Variants in PTPRD observed in about 807,000 individuals in gnomAD.
PTPRD encodes receptor-type tyrosine-protein phosphatase delta.
A neutral mutation model predicts 214.5 loss-of-function variants in PTPRD; 34 were observed. The observed-to-expected ratio is 0.16, with a 90% CI of 0.12 to 0.21. The LOEUF (loss-of-function observed/expected upper bound fraction) is 0.21. PTPRD is among the 10% of genes least tolerant of loss of function. PTPRD has a pLI of 1.00. For synonymous variants in PTPRD, 1,128 were observed against 845.7 expected (o/e 1.33, Z -5.79); for missense variants, 2,545 against 2,398.7 (o/e 1.06, Z -1.27).
At position 9,542,926 on chromosome 9, in the gene PTPRD, T is replaced by G. The variant is rs1385662895; in HGVS notation, c.-237+31806A>C. Among the ~76,000 whole-genome samples, 3 of 151,736 alleles carry G rather than the reference T, an allele frequency of 2.0e-5. No individual in the cohort carries two copies. The Admixed American group carries it at 2.0e-4, about 10-fold the overall frequency. ...ACTGCTTGCCACTTCGTTATAAAGC[T>G]AAACATAACCCTACTCAGCGTTTTC... On this transcript the variant is annotated intron_variant, in intron 8 of 45. Transcript: ENST00000381196.
At position 10,337,482 on chromosome 9, in the gene PTPRD, T is replaced by A. The variant is rs143731073; in HGVS notation, c.-545+3481A>T. Among the ~76,000 whole-genome samples the A allele has an allele frequency of 1.5e-4, 23 of 151,814 alleles. No individual in the cohort carries two copies. The East Asian group carries it at 4.5e-3, about 29-fold the overall frequency. On this transcript the variant is annotated intron_variant, in intron 3 of 45. Coordinates refer to ENST00000381196, the MANE Select transcript of PTPRD (RefSeq NM_002839.4). The stretch of plus-strand genomic sequence containing the variant: ...AACAGAGATAGTATAGTTTAATAGG[T>A]CCTAAAGAAATGCATAACATTTTAA...
intron 3 of PTPRD, among the ~76,000 whole-genome samples, chr9:10,126,509 G>C (rs930990766): frequency 6.7e-6 from 1 of 150,370 alleles, no homozygotes; most frequent in African/African-American, 2.5e-5. Context: ...TAAAACTTTA[G>C]AATCAATTCG....
intron 12 of PTPRD, among the ~76,000 whole-genome samples, chr9:8,707,598 G>C (rs1040728851): frequency 1.3e-5 from 2 of 152,212 alleles, no homozygotes; most frequent in African/African-American, 2.4e-5. Context: ...TTAGGGAGGT[G>C]AGTAGTCTAA....
chr9:10,246,241 T>G (rs1830605), intron 3 of PTPRD, among the ~76,000 whole-genome samples: 83,979 of 151,918 alleles, frequency 0.55, 24,828 homozygotes, highest in East Asian at 0.73. Context: ...CGATTGGCTA[T>G]TTTTGTTTTG....
chr9:8,983,995 C>A (rs1328082747), intron 11 of PTPRD, among the ~76,000 whole-genome samples: 1 of 152,044 alleles, frequency 6.6e-6, no homozygotes, highest in Non-Finnish European at 1.5e-5. Context: ...ACTTCTTACA[C>A]TGCAAATATA....
At chr9:10,400,265 T>A (rs972256168) in intron 2 of PTPRD, among the ~76,000 whole-genome samples, 1 of 151,822 alleles carries the variant, frequency 6.6e-6, no homozygotes, top group African/African-American at 2.4e-5. Flanking sequence ...AGATAACAGA[T>A]ATTAAGTATT....
chr9:9,584,725 C>T (rs1287243033), intron 7 of PTPRD, among the ~76,000 whole-genome samples: 1 of 151,892 alleles, frequency 6.6e-6, no homozygotes, highest in Non-Finnish European at 1.5e-5. Flanking sequence ...CCTGAATTAC[C>T]ATGCACCCTT....
intron 7 of PTPRD, among the ~76,000 whole-genome samples, chr9:9,655,697 G>A (rs532338910): frequency 6.6e-6 from 1 of 152,062 alleles, no homozygotes; most frequent in African/African-American, 2.4e-5. Context: ...AATGAAAAGA[G>A]CTGGGTGCGG....
chr9:10,060,274 A>G (rs537546787), intron 3 of PTPRD, among the ~76,000 whole-genome samples: 1 of 152,176 alleles, frequency 6.6e-6, no homozygotes, highest in African/African-American at 2.4e-5. Flanking sequence ...AATATTTTTA[A>G]AAAATAGAAG....
At chr9:8,716,137 T>A (rs2098432880) in intron 12 of PTPRD, among the ~76,000 whole-genome samples, 1 of 152,120 alleles carries the variant, frequency 6.6e-6, no homozygotes. Context: ...ACCAACCTAA[T>A]AACCTAATAA....
chr9:9,696,223 ATAGTC>A (rs1426076138), intron 7 of PTPRD, among the ~76,000 whole-genome samples: 1 of 152,138 alleles, frequency 6.6e-6, no homozygotes, highest in Non-Finnish European at 1.5e-5. Flanking sequence ...TAGCCTAACT[ATAGTC>A]TATTCTTGAG....
At chr9:8,750,307 G>T (rs1230138162) in intron 11 of PTPRD, among the ~76,000 whole-genome samples, 1 of 151,216 alleles carries the variant, frequency 6.6e-6, no homozygotes, top group South Asian at 2.1e-4. Context: ...ACAGGCGCGG[G>T]CCACCACGCC....
intron 3 of PTPRD, among the ~76,000 whole-genome samples, chr9:10,188,069 T>A (rs938614445): frequency 8.5e-5 from 13 of 152,218 alleles, no homozygotes; most frequent in African/African-American, 2.9e-4. Context: ...TGTTTTAATA[T>A]CTCTGCTAAC....
At chr9:8,566,749 A>T (rs550186286) in intron 14 of PTPRD, among the ~76,000 whole-genome samples, 154 of 152,350 alleles carry the variant, frequency 1.0e-3, no homozygotes, top group African/African-American at 3.6e-3. Flanking sequence ...AATTACCCAG[A>T]AACTATACAT....
intron 9 of PTPRD, among the ~76,000 whole-genome samples, chr9:9,286,403 C>T (rs1949375582): frequency 6.6e-6 from 1 of 151,822 alleles, no homozygotes; most frequent in African/African-American, 2.4e-5. Flanking sequence ...CATAGTTTTG[C>T]TACTACTAGC....
intron 2 of PTPRD, among the ~76,000 whole-genome samples, chr9:10,550,172 A>C (rs1248838668): frequency 2.6e-5 from 4 of 152,220 alleles, no homozygotes; most frequent in Admixed American, 6.5e-5. Context: ...AATTTCCTAT[A>C]ACTTTCACTA....
In PTPRD at chr9:9,967,452, A is replaced by G. The variant is rs1245635092; in HGVS notation, c.-471-28842T>C. The stretch of plus-strand genomic sequence containing the variant: ...TGTCTATTAAGGATAGTGCAGAATC[A>G]TTGGTTGAGAGAGGGAAGGAAGAAA... On this transcript the variant is annotated intron_variant, in intron 4 of 45. Transcript: ENST00000381196. 3.9e-5 allele frequency among the ~76,000 whole-genome samples: 6 copies of G among 152,268 alleles called. No individual in the cohort carries two copies. In the South Asian group the frequency reaches 1.2e-3, roughly 32 times the overall value.
chr9:10,361,881 G>C (rs997487718), intron 2 of PTPRD, among the ~76,000 whole-genome samples: 3 of 152,202 alleles, frequency 2.0e-5, no homozygotes, highest in African/African-American at 7.2e-5. Flanking sequence ...GGAGACATGA[G>C]CAAGGCTCAG....
At chr9:10,461,927 T>G (rs2098962078) in intron 2 of PTPRD, among the ~76,000 whole-genome samples, 1 of 152,090 alleles carries the variant, frequency 6.6e-6, no homozygotes, top group South Asian at 2.1e-4. Context: ...CGGTCTATCT[T>G]GCTTGTATGT....
Sources: allele counts gnomAD v4.1 joint callset (sites outside exome capture counted in the v4.1 genomes callset), GRCh38; gene constraint gnomAD v4.1.1; transcripts MANE v1.5; gene names NCBI Gene and HGNC (gene_info 2026-07-23, HGNC 2026-07-21).